ARID1A: variants seen among roughly 807,000 people sequenced by gnomAD.
ARID1A encodes the protein AT-rich interactive domain-containing protein 1A.
In ARID1A, 20 loss-of-function variants were observed where a neutral mutation model predicts 212.6. The ratio of observed to expected loss-of-function variants is 0.09; its 90% confidence interval spans 0.07 to 0.14. The LOEUF is 0.14. Ranked by LOEUF, ARID1A falls within the 10% of genes least tolerant of loss-of-function variation. ARID1A has a pLI of 1.00. For synonymous variants in ARID1A, 1,376 were observed against 1,222.1 expected (o/e 1.13, Z -2.63); for missense variants, 2,587 against 3,059.0 (o/e 0.85, Z 3.64).
chr1:26,749,456 C>A (rs2080866224), intron 4 of ARID1A, among the ~76,000 whole-genome samples: 1 of 152,128 alleles, frequency 6.6e-6, no homozygotes, highest in Non-Finnish European at 1.5e-5. Context: ...CTGAGCAGAT[C>A]TGTAGGAGTA....
chr1:26,762,465 C>G, intron 7 of ARID1A, 146 bp downstream of exon 7: 2 of 862,482 alleles, frequency 2.3e-6, no homozygotes, highest in Non-Finnish European at 3.3e-6. Context: ...TGAAGTAGGG[C>G]AAGGCAAGAT....
At chr1:26,726,353 T>C (rs1211710558) in intron 1 of ARID1A, among the ~76,000 whole-genome samples, 1 of 152,048 alleles carries the variant, frequency 6.6e-6, no homozygotes, top group Non-Finnish European at 1.5e-5. Flanking sequence ...TTTGTGTTTT[T>C]AGTAGAGATG....
chr1:26,732,819 G>A (rs2080693221), intron 4 of ARID1A, 27 bp downstream of exon 4: 1 of 1,577,284 alleles, frequency 6.3e-7, no homozygotes. Flanking sequence ...CTTCTGAAAG[G>A]TGATAGGGGC....
intron 7 of ARID1A, 107 bp from the exon 8 acceptor site, chr1:26,762,866 T>C: frequency 1.7e-6 from 2 of 1,180,912 alleles, no homozygotes; most frequent in South Asian, 1.7e-5. Flanking sequence ...AGTTGATCTC[T>C]TTCCTAACCA....
chr1:26,736,628 C>CAA (rs71007890), intron 4 of ARID1A, among the ~76,000 whole-genome samples: 19 of 74,018 alleles, frequency 2.6e-4, no homozygotes, highest in African/African-American at 5.5e-4. Flanking sequence ...GACTCTGTCT[C>CAA]AAAAAAAAAA....
rs2080275556 is a variant in ARID1A, at chr1:26,697,170, G to GCGCCTC, written c.775_780dup (p.Ala259_Ser260dup). 1 of 1,435,584 alleles carries GCGCCTC rather than the reference G, an allele frequency of 7.0e-7. No homozygotes were observed. The highest frequency in any genetic ancestry group is 9.1e-7 in the Non-Finnish European group (1 of 1,099,172). 88.9% of individuals were successfully genotyped at this position (1,435,584 alleles called of 1,614,324 possible). On this transcript the variant is annotated inframe_insertion, in exon 1 of 20. Coordinates refer to ENST00000324856, the MANE Select transcript of ARID1A (RefSeq NM_006015.6). ...GGCTCCAAGCCGCCTCCCTCCTCCA[G>GCGCCTC]CGCCTCCGCCTCCTCGTCGTCTTCG... is the stretch of plus-strand genomic sequence containing the variant.
chr1:26,730,637 A>G (rs781489898), intron 2 of ARID1A, among the ~76,000 whole-genome samples: 3 of 152,326 alleles, frequency 2.0e-5, no homozygotes, highest in South Asian at 4.1e-4. Flanking sequence ...TGCCTAAAAT[A>G]GTGCCTGGTA....
rs949544324 is a variant in ARID1A, at chr1:26,772,284, C to T, written c.3407-216C>T. 4.5e-5 allele frequency: 29 copies of T among 639,610 alleles called. 1 individual carries two copies. The highest frequency in any genetic ancestry group is 8.3e-4 in the Middle Eastern group (2 of 2,414). The allele number at this position is 639,610 out of a possible 1,614,324, so 39.6% of individuals were successfully genotyped here. On this transcript the variant is annotated intron_variant, in intron 12 of 19. Transcript: ENST00000324856. ...GTGATGTCATGGCCACATCACTCCT[C>T]TTTTCTACACGTAAAACAAAAACAA...
At chr1:26,775,865 C>CAG in intron 19 of ARID1A, 158 bp downstream of exon 19, 1 of 1,075,872 alleles carries the variant, frequency 9.3e-7, no homozygotes, top group Non-Finnish European at 1.4e-6. Flanking sequence ...GGCACGGGCC[C>CAG]AGGATTTTGA....
In ARID1A at chr1:26,723,425, G is replaced by A. The variant is rs186961649; in HGVS notation, c.1138-6226G>A. ...CGGAGGACGGGGTGCCTTTGTATAG[G>A]GAGCTCTGAAGCCAGACAATAGTTT... is the stretch of plus-strand genomic sequence containing the variant. On this transcript the variant is annotated intron_variant, in intron 1 of 19. Coordinates refer to ENST00000324856, the MANE Select transcript of ARID1A (RefSeq NM_006015.6). Among the ~76,000 whole-genome samples the A allele has an allele frequency of 3.4e-3, 515 of 152,326 alleles. 2 individuals are homozygous for A. The highest frequency in any genetic ancestry group is 5.4e-3 in the Non-Finnish European group (365 of 68,030).
At chr1:26,750,683 G>A (rs1570593003) in intron 4 of ARID1A, among the ~76,000 whole-genome samples, 1 of 151,848 alleles carries the variant, frequency 6.6e-6, no homozygotes, top group African/African-American at 2.4e-5. Context: ...ATTGATAAAA[G>A]GCTTAGAACA....
At chr1:26,773,532 C>T (rs2124111985) in intron 15 of ARID1A, 36 bp downstream of exon 15, 5 of 1,613,684 alleles carry the variant, frequency 3.1e-6, no homozygotes, top group Non-Finnish European at 4.2e-6. Flanking sequence ...ACTCCCCCAG[C>T]ACCCTGAAGC....
intron 1 of ARID1A, among the ~76,000 whole-genome samples, chr1:26,712,930 T>C (rs955738117): frequency 6.6e-6 from 1 of 152,230 alleles, no homozygotes; most frequent in Non-Finnish European, 1.5e-5. Context: ...ATTTGGACTT[T>C]CTGAACACCT....
At chr1:26,754,139 G>T (rs929808683) in intron 4 of ARID1A, among the ~76,000 whole-genome samples, 7 of 152,170 alleles carry the variant, frequency 4.6e-5, no homozygotes, top group Admixed American at 4.6e-4. Flanking sequence ...TAAATGTGTT[G>T]TAGAAAACTG....
chr1:26,711,298 T>G (rs2080451502), intron 1 of ARID1A, among the ~76,000 whole-genome samples: 1 of 151,894 alleles, frequency 6.6e-6, no homozygotes, highest in Non-Finnish European at 1.5e-5. Context: ...TTATATATAT[T>G]TTTTAGTAGA....
intron 1 of ARID1A, among the ~76,000 whole-genome samples, chr1:26,711,390 TG>T (rs2080452408): frequency 6.6e-6 from 1 of 152,114 alleles, no homozygotes; most frequent in East Asian, 1.9e-4. Context: ...CCCAAAGTGT[TG>T]GGATTACAGA....
At chr1:26,720,250 A>G (rs962704359) in intron 1 of ARID1A, among the ~76,000 whole-genome samples, 21 of 138,780 alleles carry the variant, frequency 1.5e-4, no homozygotes, top group African/African-American at 5.8e-4. Flanking sequence ...CTCTGTCTCG[A>G]AAAAAAAAAA....
Position 26,780,799 on chromosome 1 carries a change from T to G in ARID1A, c.*43T>G. The G allele has an allele frequency of 6.6e-7, 1 of 1,520,528 alleles. No homozygotes were observed. Among genetic ancestry groups the G allele is most frequent in the Non-Finnish European group, 8.8e-7 (1 of 1,136,518 alleles). The allele number at this position is 1,520,528 out of a possible 1,614,324, so 94.2% of individuals were successfully genotyped here. ...CCCCCCCCGTGTGTGTGTGCGTGTGTGGAGAACTTAGAAACTGACTGTTGC... is the reference window on the plus strand; with the variant it reads ...CCCCCCCCGTGTGTGTGTGCGTGTGGGGAGAACTTAGAAACTGACTGTTGC... On this transcript the variant is annotated 3_prime_UTR_variant, in exon 20 of 20. Transcript: ENST00000324856. The surrounding 1 kb of genome is among the most constrained non-coding windows in gnomAD (Gnocchi z 7.2).
In ARID1A at chr1:26,697,177, C is replaced by G; in HGVS notation, c.774C>G (p.Ser258=). The part of the protein sequence containing the change: ...GSKPPPSSSA[S]ASSSSSSFAQ... ...AGCCGCCTCCCTCCTCCAGCGCCTCCGCCTCCTCGTCGTCTTCGTCCTTCG... is the reference window on the plus strand; with the variant it reads ...AGCCGCCTCCCTCCTCCAGCGCCTCGGCCTCCTCGTCGTCTTCGTCCTTCG... The change falls in exon 1 of 20, where the codon TCC becomes TCG. Residue 258 remains serine (S), a synonymous_variant. Transcript: ENST00000324856. 7.0e-7 allele frequency: 1 copy of G among 1,431,826 alleles called. No individual in the cohort carries two copies. Among genetic ancestry groups the G allele is most frequent in the Non-Finnish European group, 9.1e-7 (1 of 1,097,914 alleles). 88.7% of individuals were successfully genotyped at this position (1,431,826 alleles called of 1,614,324 possible).
Sources: allele counts gnomAD v4.1 joint callset (sites outside exome capture counted in the v4.1 genomes callset), GRCh38; gene constraint gnomAD v4.1.1; non-coding constraint Gnocchi (gnomAD v3.1); transcripts MANE v1.5; gene names NCBI Gene and HGNC (gene_info 2026-07-23, HGNC 2026-07-21).